Variants in NCLN observed in about 807,000 individuals in gnomAD.
NCLN encodes BOS complex subunit NCLN.
Under a neutral mutation model 69.5 loss-of-function variants are expected in NCLN, and 34 were observed. That is an observed-to-expected ratio of 0.49 (90% CI 0.37 to 0.65). NCLN has a LOEUF of 0.65. Among genes scored for constraint, NCLN ranks in the 30% least tolerant of loss-of-function variants. The pLI is 0.00. For synonymous variants in NCLN, 393 were observed against 358.3 expected (o/e 1.10, Z -1.09); for missense variants, 710 against 804.8 (o/e 0.88, Z 1.42).
chr19:3,190,785 C>T (rs958478521), intron 1 of NCLN, among the ~76,000 whole-genome samples: 2 of 152,158 alleles, frequency 1.3e-5, no homozygotes, highest in East Asian at 1.9e-4. Context: ...GTCAGGTCTG[C>T]TTGCGGGCTT....
chr19:3,198,809 A>C lies in NCLN; in HGVS notation c.616-8A>C, dbSNP rs753575815. On this transcript the variant is annotated splice_region_variant and splice_polypyrimidine_tract_variant and intron_variant, in intron 4 of 14. Coordinates refer to ENST00000246117, the MANE Select transcript of NCLN (RefSeq NM_020170.4). ...CAGCCAGGCCATTCCCCTGCTCTCT[A>C]TCCACAGGGGCGGCTGACGGGGCTG... 17 of 1,578,980 alleles carry C rather than the reference A, an allele frequency of 1.1e-5. No homozygotes were observed. Among genetic ancestry groups the C allele is most frequent in the Admixed American group, 1.8e-5 (1 of 55,946 alleles).
intron 3 of NCLN, among the ~76,000 whole-genome samples, chr19:3,194,117 T>G (rs1489519073): frequency 6.6e-6 from 1 of 152,210 alleles, no homozygotes; most frequent in African/African-American, 2.4e-5. Context: ...AGTTTGGTGC[T>G]GTGGTTTCAA....
chr19:3,207,648 A>G lies in NCLN; in HGVS notation c.1652A>G (p.Lys551Arg), dbSNP rs2288949. 0.077 allele frequency: 123,379 copies of G among 1,612,758 alleles called. 10,015 individuals are homozygous for G. The highest frequency in any genetic ancestry group is 0.4 in the East Asian group (17,889 of 44,846). The change falls in exon 15 of 15, where the codon AAG (lysine) becomes AGG (arginine). Residue 551 changes from lysine (K) to arginine (R), a missense_variant. Transcript: ENST00000246117. The stretch of plus-strand genomic sequence containing the variant: ...CCCCAGCACTTCAGCCTCCTCTACA[A>G]GACCGTCCAGAGGCTGCTCGTGAAG... ...VAVQHFSLLY[K>R]TVQRLLVKAK...
Position 3,208,003 on chromosome 19 carries a change from C to T in NCLN, c.*315C>T, listed in dbSNP as rs1342713911. ...CCGCCCTCGGTCTGGTGTAAGCACACATGCACGATTAAAGAGGAGACGCCG... is the reference window on the plus strand; with the variant it reads ...CCGCCCTCGGTCTGGTGTAAGCACATATGCACGATTAAAGAGGAGACGCCG... On this transcript the variant is annotated 3_prime_UTR_variant, in exon 15 of 15. Coordinates refer to ENST00000246117, the MANE Select transcript of NCLN (RefSeq NM_020170.4). 2 of 390,514 alleles carry T rather than the reference C, an allele frequency of 5.1e-6. No individual in the cohort carries two copies. Among genetic ancestry groups the T allele is most frequent in the Non-Finnish European group, 9.4e-6 (2 of 212,206 alleles). 24.2% of individuals were successfully genotyped at this position (390,514 alleles called of 1,614,324 possible). A position where few individuals can be genotyped will look rare whatever the true frequency, so the allele number is the denominator to read the frequency against.
At chr19:3,198,684 C>T in intron 4 of NCLN, 133 bp from the exon 5 acceptor site, 2 of 606,418 alleles carry the variant, frequency 3.3e-6, no homozygotes, top group East Asian at 6.4e-5. Flanking sequence ...TCCTGTGGTC[C>T]TCAGTGCTGA....
chr19:3,203,328 A>C (rs920990266), intron 6 of NCLN, among the ~76,000 whole-genome samples: 2 of 152,078 alleles, frequency 1.3e-5, no homozygotes, highest in Non-Finnish European at 2.9e-5. Flanking sequence ...AAAAAAAAGA[A>C]TTCTTCTTCT....
At chr19:3,186,661 G>A (rs1915679228) in intron 1 of NCLN, among the ~76,000 whole-genome samples, 1 of 152,176 alleles carries the variant, frequency 6.6e-6, no homozygotes, top group Non-Finnish European at 1.5e-5. Context: ...GTCCTGTTCT[G>A]GAGACCATCT....
At chr19:3,186,507 T>C (rs1359014014) in intron 1 of NCLN, among the ~76,000 whole-genome samples, 1 of 152,020 alleles carries the variant, frequency 6.6e-6, no homozygotes, top group African/African-American at 2.4e-5. Context: ...CCTGGAGCCC[T>C]AAGTCCCCTC....
At chr19:3,187,216 G>C (rs890359749) in intron 1 of NCLN, among the ~76,000 whole-genome samples, 2 of 151,976 alleles carry the variant, frequency 1.3e-5, no homozygotes, top group African/African-American at 4.8e-5. Context: ...GCCCCCTCCC[G>C]TCGTGGCCCT....
intron 3 of NCLN, among the ~76,000 whole-genome samples, chr19:3,194,756 T>TC (rs915784820): frequency 2.0e-5 from 3 of 151,128 alleles, no homozygotes; most frequent in African/African-American, 7.3e-5. Context: ...TTTTTTTTTT[T>TC]TTTTTCTTTT....
In NCLN at chr19:3,201,510, C is replaced by G; in HGVS notation, c.697-13C>G. The G allele has an allele frequency of 6.5e-7, 1 of 1,542,324 alleles. No homozygotes were observed. The highest frequency in any genetic ancestry group is 8.7e-7 in the Non-Finnish European group (1 of 1,148,378). ...CGGGGGTGACTGTGGCCTTGCCTCT[C>G]CCGTCCCTGTAGTGGCTGTCGCTGG... On this transcript the variant is annotated splice_polypyrimidine_tract_variant and intron_variant, in intron 5 of 14. Transcript: ENST00000246117.
chr19:3,190,028 C>T (rs960145748), intron 1 of NCLN, among the ~76,000 whole-genome samples: 6 of 152,224 alleles, frequency 3.9e-5, no homozygotes, highest in African/African-American at 1.4e-4. Flanking sequence ...CCTGCGGGAG[C>T]TCGAGGCCCG....
Position 3,204,741 on chromosome 19 carries a change from A to G in NCLN, c.1198A>G (p.Met400Val). ...CCGTGACGGCCAGCGCAGCAGCATC[A>G]TGGACGTGCGGTGAGCGCGGCAGCA... is the stretch of plus-strand genomic sequence containing the variant. ...SHRDGQRSSIMDVRSRVDSKT... is the reference protein window; with the variant it reads ...SHRDGQRSSIVDVRSRVDSKT... The change falls in exon 9 of 15, where the codon ATG becomes GTG. Residue 400 changes from methionine to valine, a missense_variant. Coordinates refer to ENST00000246117, the MANE Select transcript of NCLN (RefSeq NM_020170.4). The G allele has an allele frequency of 6.5e-7, 1 of 1,546,134 alleles. No individual in the cohort carries two copies. Among genetic ancestry groups the G allele is most frequent in the Non-Finnish European group, 8.7e-7 (1 of 1,145,402 alleles).
chr19:3,206,809 A>G (rs1317710826), intron 12 of NCLN, among the ~76,000 whole-genome samples: 5 of 152,108 alleles, frequency 3.3e-5, no homozygotes, highest in South Asian at 4.1e-4. Flanking sequence ...CATCTCTACA[A>G]ACTTTTTAAA....
chr19:3,192,547 C>A lies in NCLN; in HGVS notation c.262C>A (p.Arg88=), dbSNP rs764562669. The change falls in exon 2 of 15, where the codon CGG becomes AGG. Residue 88 remains arginine (R), a synonymous_variant. Transcript: ENST00000246117. ...GCTGAGCCGCCGCTGCGTGCTCATG[C>A]GGCTACTGGACTTCTCCTACGAGCA... is the stretch of plus-strand genomic sequence containing the variant. The part of the protein sequence containing the change: ...EVLSRRCVLM[R]LLDFSYEQYQ... 4.3e-6 allele frequency: 7 copies of A among 1,609,570 alleles called. No individual in the cohort carries two copies. The highest frequency in any genetic ancestry group is 4.2e-6 in the Non-Finnish European group (5 of 1,178,684).
chr19:3,188,790 C>G (rs1401880945), intron 1 of NCLN, among the ~76,000 whole-genome samples: 1 of 152,248 alleles, frequency 6.6e-6, no homozygotes, highest in South Asian at 2.1e-4. Flanking sequence ...GCCTCAGCCT[C>G]CATGCTCCTC....
At chr19:3,189,823 C>CCGAG (rs1183818824) in intron 1 of NCLN, among the ~76,000 whole-genome samples, 1 of 151,680 alleles carries the variant, frequency 6.6e-6, no homozygotes, top group Non-Finnish European at 1.5e-5. Flanking sequence ...CCATTGGGCC[C>CCGAG]CGAGCGAGCG....
intron 3 of NCLN, among the ~76,000 whole-genome samples, chr19:3,193,995 G>C (rs1427406144): frequency 2.0e-5 from 3 of 152,332 alleles, no homozygotes; most frequent in African/African-American, 7.2e-5. Context: ...CCAGCTGAGG[G>C]GCTTGCCCGG....
At chr19:3,201,228 G>A (rs1307141517) in intron 5 of NCLN, among the ~76,000 whole-genome samples, 1 of 152,216 alleles carries the variant, frequency 6.6e-6, no homozygotes. Context: ...TCTCCCGGGC[G>A]CGGGCCGAGC....
Sources: allele counts gnomAD v4.1 joint callset (sites outside exome capture counted in the v4.1 genomes callset), GRCh38; gene constraint gnomAD v4.1.1; transcripts MANE v1.5; gene names NCBI Gene and HGNC (gene_info 2026-07-23, HGNC 2026-07-21).